ACTL8: variants seen among roughly 807,000 people sequenced by gnomAD.
ACTL8 encodes actin like 8, also known as actin-like protein 8.
ACTL8 carries 3 observed loss-of-function variants against 9.3 expected under a neutral mutation model. The ratio of observed to expected loss-of-function variants is 0.32; its 90% confidence interval spans 0.15 to 0.83. The LOEUF is 0.83. Ranked by LOEUF, ACTL8 falls within the 40% of genes least tolerant of loss-of-function variation. The pLI is 0.57. For missense variants in ACTL8, 381 were observed against 492.2 expected (o/e 0.77, Z 2.14); for synonymous variants, 224 against 205.9 (o/e 1.09, Z -0.75).
intron 1 of ACTL8, among the ~76,000 whole-genome samples, chr1:17,771,711 G>A (rs974462434): frequency 6.6e-6 from 1 of 152,038 alleles, no homozygotes; most frequent in Non-Finnish European, 1.5e-5. Context: ...GCTATAGACT[G>A]CCTTGGGCAT....
At chr1:17,766,580 A>G (rs1481298287) in intron 1 of ACTL8, among the ~76,000 whole-genome samples, 3 of 152,158 alleles carry the variant, frequency 2.0e-5, no homozygotes, top group Non-Finnish European at 4.4e-5. Context: ...CACCGTCCTA[A>G]TTGACTTGCC....
intron 1 of ACTL8, among the ~76,000 whole-genome samples, chr1:17,775,360 TGGA>T (rs146332258): frequency 0.031 from 2,544 of 81,556 alleles, 65 homozygotes; most frequent in African/African-American, 0.077. Context: ...TGCCTGGAAC[TGGA>T]GGAGGAGGAG....
chr1:17,815,168 C>T (rs1310908115), intron 1 of ACTL8, among the ~76,000 whole-genome samples: 1 of 152,200 alleles, frequency 6.6e-6, no homozygotes, highest in Non-Finnish European at 1.5e-5. Flanking sequence ...AAGTAGTAGG[C>T]TATACCATAT....
chr1:17,771,181 A>G (rs6697078), intron 1 of ACTL8, among the ~76,000 whole-genome samples: 19,119 of 150,670 alleles, frequency 0.13, 1,492 homozygotes, highest in Middle Eastern at 0.21. Context: ...GAAAGCAGCC[A>G]TAGATAGATA....
rs373015969 is a variant in ACTL8, at chr1:17,771,792, G to A, written c.-25+16288G>A. ...CCTGACATGCTGCAGTGGAGGGGGC[G>A]TGCTCACCGGCTGGACAAATGGACA... is the stretch of plus-strand genomic sequence containing the variant. On this transcript the variant is annotated intron_variant, in intron 1 of 2. Transcript: ENST00000375406. Among the ~76,000 whole-genome samples the A allele has an allele frequency of 3.4e-3, 519 of 152,214 alleles. 5 individuals carry two copies. The highest frequency in any genetic ancestry group is 5.9e-3 in the Non-Finnish European group (401 of 68,022).
intron 1 of ACTL8, among the ~76,000 whole-genome samples, chr1:17,811,505 G>GT (rs2066392692): frequency 6.6e-6 from 1 of 152,144 alleles, no homozygotes; most frequent in South Asian, 2.1e-4. Flanking sequence ...TTTTGATGTT[G>GT]TACCTAAGAA....
chr1:17,791,284 A>T (rs2066237793), intron 1 of ACTL8, among the ~76,000 whole-genome samples: 1 of 152,194 alleles, frequency 6.6e-6, no homozygotes, highest in South Asian at 2.1e-4. Flanking sequence ...TCCCTGCTGC[A>T]GCAGGCGTGA....
At chr1:17,825,181 C>T (rs1024394654) in intron 2 of ACTL8, among the ~76,000 whole-genome samples, 3 of 152,176 alleles carry the variant, frequency 2.0e-5, no homozygotes, top group South Asian at 2.1e-4. Flanking sequence ...TTTGTCTTGA[C>T]GTTTGTAAGG....
chr1:17,767,991 T>C lies in ACTL8; in HGVS notation c.-25+12487T>C, dbSNP rs1384554575. ...CCTGGGGGGCAGGGGTGAGCATATA[T>C]GTGATGTGGGGTTTTAGAGAATCAG... On this transcript the variant is annotated intron_variant, in intron 1 of 2. Coordinates refer to ENST00000375406, the MANE Select transcript of ACTL8 (RefSeq NM_030812.3). This position sits in a 1 kb window ranked among gnomAD's most constrained non-coding sequence, Gnocchi z 4.7. Among the ~76,000 whole-genome samples, 2 of 152,160 alleles carry C rather than the reference T, an allele frequency of 1.3e-5. No individual in the cohort carries two copies. Among genetic ancestry groups the C allele is most frequent in the Admixed American group, 6.5e-5 (1 of 15,286 alleles).
At chr1:17,780,747 G>A (rs1170461097) in intron 1 of ACTL8, among the ~76,000 whole-genome samples, 1 of 150,116 alleles carries the variant, frequency 6.7e-6, no homozygotes, top group East Asian at 2.0e-4. Flanking sequence ...AGTGTGTTTT[G>A]GGGGTGGGGG....
chr1:17,793,013 A>G (rs2066251388), intron 1 of ACTL8, among the ~76,000 whole-genome samples: 1 of 152,142 alleles, frequency 6.6e-6, no homozygotes, highest in Non-Finnish European at 1.5e-5. Flanking sequence ...GGGAGAGAGA[A>G]AGCAGGGGCG....
chr1:17,764,880 G>C (rs2066033114), intron 1 of ACTL8, among the ~76,000 whole-genome samples: 1 of 152,202 alleles, frequency 6.6e-6, no homozygotes, highest in Non-Finnish European at 1.5e-5. Context: ...CTGGTCGCTG[G>C]CTCTCTGTGC....
intron 1 of ACTL8, among the ~76,000 whole-genome samples, chr1:17,771,444 A>G (rs890944693): frequency 6.6e-6 from 1 of 152,234 alleles, no homozygotes; most frequent in Non-Finnish European, 1.5e-5. Context: ...ATTAAATGTC[A>G]GTCACTGATA....
At chr1:17,756,619 G>T (rs920952674) in intron 1 of ACTL8, among the ~76,000 whole-genome samples, 4 of 152,156 alleles carry the variant, frequency 2.6e-5, no homozygotes, top group Non-Finnish European at 5.9e-5. Context: ...TTCCTTGACT[G>T]GACCCAAACT....
intron 1 of ACTL8, among the ~76,000 whole-genome samples, chr1:17,776,691 G>C (rs1208416741): frequency 6.6e-6 from 1 of 152,162 alleles, no homozygotes; most frequent in African/African-American, 2.4e-5. Flanking sequence ...CCTGTACCCA[G>C]CTTGCTCAGA....
chr1:17,774,686 C>T (rs2066107060), intron 1 of ACTL8, among the ~76,000 whole-genome samples: 1 of 152,086 alleles, frequency 6.6e-6, no homozygotes, highest in East Asian at 1.9e-4. Context: ...GGCTGGAGTG[C>T]AGCGCGCAAG....
intron 1 of ACTL8, among the ~76,000 whole-genome samples, chr1:17,768,746 G>T (rs879463169): frequency 6.6e-6 from 1 of 152,134 alleles, no homozygotes; most frequent in Non-Finnish European, 1.5e-5. Flanking sequence ...CTGCAGGGGC[G>T]AAGGCCTGGA....
intron 1 of ACTL8, among the ~76,000 whole-genome samples, chr1:17,804,814 C>A (rs553018795): frequency 6.6e-6 from 1 of 152,158 alleles, no homozygotes; most frequent in South Asian, 2.1e-4. Context: ...TGGGGTTTCA[C>A]CATGTTGGCC....
chr1:17,821,631 C>CT (rs2053660586), intron 1 of ACTL8, among the ~76,000 whole-genome samples: 1 of 116,502 alleles, frequency 8.6e-6, no homozygotes, highest in Non-Finnish European at 1.9e-5. Flanking sequence ...GTGACTATTC[C>CT]CTTTTTTTTC....
Sources: allele counts gnomAD v4.1 joint callset (sites outside exome capture counted in the v4.1 genomes callset), GRCh38; gene constraint gnomAD v4.1.1; non-coding constraint Gnocchi (gnomAD v3.1); transcripts MANE v1.5; gene names NCBI Gene and HGNC (gene_info 2026-07-23, HGNC 2026-07-21).